ARMH4: variants seen among roughly 807,000 people sequenced by gnomAD.
ARMH4 encodes armadillo like helical domain containing 4.
Under a neutral mutation model 61.9 loss-of-function variants are expected in ARMH4, and 49 were observed. The ratio of observed to expected loss-of-function variants is 0.79; its 90% CI spans 0.63 to 1.00. The LOEUF is 1.00. Ranked by LOEUF, ARMH4 falls within the 50% of genes least tolerant of loss-of-function variation. The pLI is 0.00. For synonymous variants in ARMH4, 368 were observed against 341.5 expected, an observed-to-expected ratio of 1.08 and a Z score of -0.85; for missense variants, 934 against 930.0, an observed-to-expected ratio of 1.00 and a Z score of -0.06.
chr14:58,152,163 G>GGCGGCGGTA lies in ARMH4; in HGVS notation c.-154_-146dup, dbSNP rs1566608035. ...TCCCAGCGGCGGGCCCTGCGGCGGCGGCGGCGGTAGCGGCGGCGACTCCCT... is the reference window on the plus strand; with the variant it reads ...TCCCAGCGGCGGGCCCTGCGGCGGCGGCGGCGGTAGCGGCGGTAGCGGCGGCGACTCCCT... On this transcript the variant is annotated 5_prime_UTR_variant, in exon 1 of 8. Transcript: ENST00000267485. 1 of 161,300 alleles carries GGCGGCGGTA rather than the reference G, an allele frequency of 6.2e-6. No homozygotes were observed. The highest frequency in any genetic ancestry group is 1.7e-4 in the South Asian group (1 of 5,782). The allele number at this position is 161,300 out of a possible 1,614,324, so 10.0% of individuals were successfully genotyped here. A position where few individuals can be genotyped will look rare whatever the true frequency, so the allele number is the denominator to read the frequency against.
intron 5 of ARMH4, among the ~76,000 whole-genome samples, chr14:58,015,390 G>A (rs1341202673): frequency 1.3e-5 from 2 of 152,164 alleles, no homozygotes; most frequent in Non-Finnish European, 2.9e-5. Flanking sequence ...GTCTAAAAAG[G>A]TTGAGGAAAC....
intron 4 of ARMH4, 109 bp from the exon 5 acceptor site, chr14:58,097,090 T>G: frequency 8.3e-7 from 1 of 1,199,904 alleles, no homozygotes; most frequent in Non-Finnish European, 1.2e-6. Context: ...TTTGGCCTTT[T>G]GAAACACATC....
chr14:58,144,471 GAAAGTC>G (rs1887667662), intron 1 of ARMH4, among the ~76,000 whole-genome samples: 1 of 152,286 alleles, frequency 6.6e-6, no homozygotes, highest in East Asian at 1.9e-4. Flanking sequence ...CTTGAGCCCA[GAAAGTC>G]AAGGCTGCAG....
intron 4 of ARMH4, among the ~76,000 whole-genome samples, chr14:58,123,106 A>G (rs751663670): frequency 1.3e-4 from 20 of 152,088 alleles, no homozygotes; most frequent in Non-Finnish European, 1.9e-4. Context: ...CCCAGCCACT[A>G]AGTTTTGACT....
intron 5 of ARMH4, among the ~76,000 whole-genome samples, chr14:58,089,887 T>C (rs1202860829): frequency 2.0e-5 from 3 of 152,224 alleles, no homozygotes; most frequent in African/African-American, 7.2e-5. Context: ...CTCACATTTA[T>C]GAGACCACAC....
At chr14:58,149,088 A>G (rs1887841336) in intron 1 of ARMH4, among the ~76,000 whole-genome samples, 1 of 152,100 alleles carries the variant, frequency 6.6e-6, no homozygotes, top group Non-Finnish European at 1.5e-5. Flanking sequence ...TCAATGATTA[A>G]TTTATCATTG....
rs1265269134 is a variant in ARMH4, at chr14:58,151,829, G to A, written c.-57+246C>T. On this transcript the variant is annotated intron_variant, in intron 1 of 7. Transcript: ENST00000267485. ...GCTGGGCTGGAGCTAGGAGTGCGGT[G>A]AGTCCTCCGAGGCCTGCGCGCCGCG... is the stretch of plus-strand genomic sequence containing the variant. Among the ~76,000 whole-genome samples, 5 of 152,248 alleles carry A rather than the reference G, an allele frequency of 3.3e-5. No homozygotes were observed. The East Asian group carries it at 9.6e-4, about 29-fold the overall frequency.
chr14:58,080,859 T>C (rs1885199684), intron 5 of ARMH4, among the ~76,000 whole-genome samples: 1 of 152,116 alleles, frequency 6.6e-6, no homozygotes, highest in Admixed American at 6.5e-5. Context: ...CCTAGCACTT[T>C]GGGAGGCCGA....
chr14:58,075,088 A>G (rs1401330329), intron 5 of ARMH4, among the ~76,000 whole-genome samples: 1 of 152,252 alleles, frequency 6.6e-6, no homozygotes, highest in Non-Finnish European at 1.5e-5. Flanking sequence ...ATCATTAAAA[A>G]GTCAGGAAAC....
intron 5 of ARMH4, among the ~76,000 whole-genome samples, chr14:58,026,988 G>T (rs1003947933): frequency 6.6e-6 from 1 of 152,154 alleles, no homozygotes; most frequent in African/African-American, 2.4e-5. Flanking sequence ...GCCAGCAGAT[G>T]AAATCAATTA....
At chr14:58,055,207 G>T (rs1056626719) in intron 5 of ARMH4, among the ~76,000 whole-genome samples, 1 of 152,184 alleles carries the variant, frequency 6.6e-6, no homozygotes, top group Non-Finnish European at 1.5e-5. Flanking sequence ...CTAAGAAAAA[G>T]TATTTCCAAT....
intron 5 of ARMH4, among the ~76,000 whole-genome samples, chr14:58,081,311 A>T (rs1425981253): frequency 6.6e-6 from 1 of 152,050 alleles, no homozygotes; most frequent in Non-Finnish European, 1.5e-5. Context: ...CGCACCTTGT[A>T]TCAGGATCCC....
At chr14:58,115,417 AC>A (rs1276374477) in intron 4 of ARMH4, among the ~76,000 whole-genome samples, 1 of 152,174 alleles carries the variant, frequency 6.6e-6, no homozygotes, top group African/African-American at 2.4e-5. Context: ...AGAAGTCAAA[AC>A]ATAACAGATG....
At chr14:58,045,702 G>T (rs1468199218) in intron 5 of ARMH4, among the ~76,000 whole-genome samples, 4 of 151,972 alleles carry the variant, frequency 2.6e-5, no homozygotes, top group Admixed American at 6.6e-5. Context: ...CTCAGAATGT[G>T]ACCCAATTGG....
chr14:58,071,282 A>T (rs1000402055), intron 5 of ARMH4, among the ~76,000 whole-genome samples: 2 of 152,020 alleles, frequency 1.3e-5, no homozygotes, highest in Non-Finnish European at 2.9e-5. Context: ...TTTTCAATAC[A>T]TACAATTTTT....
At chr14:58,134,949 T>G (rs1887256269) in intron 2 of ARMH4, among the ~76,000 whole-genome samples, 1 of 137,758 alleles carries the variant, frequency 7.3e-6, no homozygotes, top group African/African-American at 3.0e-5. Context: ...AGAGGGAGAC[T>G]CTGTCTCAAA....
intron 5 of ARMH4, among the ~76,000 whole-genome samples, chr14:58,091,050 C>A (rs1885545899): frequency 6.6e-6 from 1 of 151,356 alleles, no homozygotes; most frequent in Non-Finnish European, 1.5e-5. Flanking sequence ...AACCTCATCT[C>A]TACTAAAAAT....
chr14:58,087,546 T>A (rs943200513), intron 5 of ARMH4, among the ~76,000 whole-genome samples: 2 of 152,116 alleles, frequency 1.3e-5, no homozygotes, highest in African/African-American at 4.8e-5. Context: ...AAAAGAAAAT[T>A]TAAAGGGAGG....
chr14:58,020,743 A>G (rs1882795270), intron 5 of ARMH4, among the ~76,000 whole-genome samples: 2 of 152,244 alleles, frequency 1.3e-5, no homozygotes, highest in Admixed American at 1.3e-4. Context: ...ACTGGGCAAC[A>G]ACCAACTGAG....
Sources: gnomAD v4.1 joint callset for allele counts (sites outside exome capture counted in the v4.1 genomes callset) on GRCh38, gnomAD v4.1.1 for gene constraint, MANE v1.5 for transcripts, NCBI Gene and HGNC (gene_info 2026-07-23, HGNC 2026-07-21) for gene names.